Variants in NXPH1 observed in about 807,000 individuals in gnomAD.
NXPH1 encodes neurexophilin 1.
NXPH1 carries 5 observed loss-of-function variants against 23.7 expected under a neutral mutation model. The ratio of observed to expected loss-of-function variants is 0.21; its 90% CI spans 0.11 to 0.44. NXPH1 has a LOEUF of 0.44. NXPH1 is among the 20% of genes least tolerant of loss of function. The pLI is 0.99. For synonymous variants in NXPH1, 144 were observed against 122.2 expected, an observed-to-expected ratio of 1.18 and a Z score of -1.18; for missense variants, 324 against 321.6, an observed-to-expected ratio of 1.01 and a Z score of -0.06.
intron 2 of NXPH1, among the ~76,000 whole-genome samples, chr7:8,736,485 C>G (rs1460687482): frequency 1.3e-5 from 2 of 152,162 alleles, no homozygotes; most frequent in South Asian, 2.1e-4. Context: ...GGCACTGTGG[C>G]CTGAGAGACT....
intron 2 of NXPH1, among the ~76,000 whole-genome samples, chr7:8,578,111 C>A (rs1001910095): frequency 2.6e-5 from 4 of 152,138 alleles, no homozygotes; most frequent in Admixed American, 2.6e-4. Context: ...ACTTTTGGGG[C>A]GATTTGTTAC....
chr7:8,617,823 T>C (rs1819778507), intron 2 of NXPH1, among the ~76,000 whole-genome samples: 1 of 152,178 alleles, frequency 6.6e-6, no homozygotes, highest in Non-Finnish European at 1.5e-5. Context: ...ATTTAAAGGA[T>C]AAATGCTTGA....
At chr7:8,563,127 C>T (rs1818476324) in intron 2 of NXPH1, among the ~76,000 whole-genome samples, 1 of 151,638 alleles carries the variant, frequency 6.6e-6, no homozygotes, top group African/African-American at 2.4e-5. Context: ...ATTAGTCAAA[C>T]CTCAGGAGGT....
chr7:8,515,202 T>A (rs1462705938), intron 2 of NXPH1, among the ~76,000 whole-genome samples: 3 of 152,060 alleles, frequency 2.0e-5, no homozygotes, highest in Non-Finnish European at 4.4e-5. Context: ...TGATTGTAAG[T>A]GAGGCAAGAA....
At chr7:8,492,840 C>G (rs1817272229) in intron 2 of NXPH1, among the ~76,000 whole-genome samples, 1 of 152,010 alleles carries the variant, frequency 6.6e-6, no homozygotes, top group Non-Finnish European at 1.5e-5. Context: ...TTAGCATTTA[C>G]TAGTTTATCC....
At chr7:8,665,516 T>C (rs961378988) in intron 2 of NXPH1, among the ~76,000 whole-genome samples, 1 of 152,062 alleles carries the variant, frequency 6.6e-6, no homozygotes, top group African/African-American at 2.4e-5. Context: ...TGTGGTTCCA[T>C]ATAAATTTTA....
intron 2 of NXPH1, among the ~76,000 whole-genome samples, chr7:8,494,212 GA>G (rs1355998302): frequency 6.7e-6 from 1 of 149,460 alleles, no homozygotes; most frequent in African/African-American, 2.4e-5. Flanking sequence ...ATAGGAGAAT[GA>G]TTTTTTTTGG....
chr7:8,505,875 C>A (rs1038163841), intron 2 of NXPH1, among the ~76,000 whole-genome samples: 2 of 152,064 alleles, frequency 1.3e-5, no homozygotes, highest in Non-Finnish European at 2.9e-5. Context: ...ACTTCCCATG[C>A]AAATTAAAAG....
At chr7:8,733,914 G>A (rs1780201083) in intron 2 of NXPH1, among the ~76,000 whole-genome samples, 2 of 152,128 alleles carry the variant, frequency 1.3e-5, no homozygotes, top group African/African-American at 2.4e-5. Flanking sequence ...GGCTTTTGTT[G>A]CCATTGCTTT....
chr7:8,657,748 C>T (rs1393554173), intron 2 of NXPH1, among the ~76,000 whole-genome samples: 4 of 152,202 alleles, frequency 2.6e-5, no homozygotes, highest in Admixed American at 6.5e-5. Flanking sequence ...CAATACTGGA[C>T]CAGGTGCAGT....
At chr7:8,525,175 G>C (rs1817842484) in intron 2 of NXPH1, among the ~76,000 whole-genome samples, 1 of 152,208 alleles carries the variant, frequency 6.6e-6, no homozygotes, top group Non-Finnish European at 1.5e-5. Context: ...AACTTGTTGG[G>C]AACTGGAGCA....
chr7:8,645,541 A>C (rs1820384018), intron 2 of NXPH1, among the ~76,000 whole-genome samples: 1 of 152,014 alleles, frequency 6.6e-6, no homozygotes, highest in Non-Finnish European at 1.5e-5. Context: ...ATTAAAATAA[A>C]TTTTAGGTAT....
At chr7:8,552,542 T>C (rs1818295907) in intron 2 of NXPH1, among the ~76,000 whole-genome samples, 1 of 151,496 alleles carries the variant, frequency 6.6e-6, no homozygotes, top group South Asian at 2.1e-4. Context: ...GGGTACCATT[T>C]CCCTGGCTTT....
At chr7:8,732,642 A>C (rs1780178118) in intron 2 of NXPH1, among the ~76,000 whole-genome samples, 2 of 152,090 alleles carry the variant, frequency 1.3e-5, no homozygotes, top group South Asian at 4.1e-4. Flanking sequence ...TGTTATTTTA[A>C]ATGTTTTATT....
At chr7:8,582,594 G>A (rs1435120093) in intron 2 of NXPH1, among the ~76,000 whole-genome samples, 1 of 152,168 alleles carries the variant, frequency 6.6e-6, no homozygotes, top group Non-Finnish European at 1.5e-5. Flanking sequence ...CTGGTGACCC[G>A]AAGTGGGTTG....
chr7:8,537,410 T>TA (rs1818045066), intron 2 of NXPH1, among the ~76,000 whole-genome samples: 1 of 151,938 alleles, frequency 6.6e-6, no homozygotes, highest in African/African-American at 2.4e-5. Context: ...AAACTTACGA[T>TA]CGTAGCAGAA....
chr7:8,687,562 G>C (rs1334878971), intron 2 of NXPH1, among the ~76,000 whole-genome samples: 2 of 152,092 alleles, frequency 1.3e-5, no homozygotes, highest in Admixed American at 6.6e-5. Flanking sequence ...TTTTGTCCCT[G>C]AACATGCATG....
At chr7:8,582,908 GCTGTT>G (rs1818908483) in intron 2 of NXPH1, among the ~76,000 whole-genome samples, 1 of 152,196 alleles carries the variant, frequency 6.6e-6, no homozygotes, top group African/African-American at 2.4e-5. Flanking sequence ...TGGCACCCAG[GCTGTT>G]CACGCTGAGG....
intron 2 of NXPH1, among the ~76,000 whole-genome samples, chr7:8,726,513 G>A (rs1177461996): frequency 8.0e-6 from 1 of 125,280 alleles, no homozygotes; most frequent in East Asian, 2.4e-4. Flanking sequence ...AGTCCCCAGA[G>A]TGTGATGTTC....
Sources: allele counts gnomAD v4.1 joint callset (sites outside exome capture counted in the v4.1 genomes callset), GRCh38; gene constraint gnomAD v4.1.1; transcripts MANE v1.5; gene names NCBI Gene and HGNC (gene_info 2026-07-23, HGNC 2026-07-21).